CEP350: variants seen among roughly 807,000 people sequenced by gnomAD.
The protein encoded by CEP350 is centrosome-associated protein 350.
CEP350 carries 126 observed loss-of-function variants against 331.8 expected under a neutral mutation model. The observed-to-expected ratio is 0.38, with a 90% CI of 0.33 to 0.44. CEP350 has a LOEUF of 0.44. Among genes scored for constraint, CEP350 ranks in the 20% least tolerant of loss-of-function variants. The pLI is 1.00. For synonymous variants in CEP350, 1,200 were observed against 1,259.5 expected, an observed-to-expected ratio of 0.95 and a Z score of 1.00; for missense variants, 3,406 against 3,634.6, an observed-to-expected ratio of 0.94 and a Z score of 1.62.
chr1:179,991,663 A>ATGTG (rs1197805256), intron 4 of CEP350, among the ~76,000 whole-genome samples: 73 of 64,360 alleles, frequency 1.1e-3, no homozygotes, highest in South Asian at 4.7e-3. Context: ...ATGTATATAT[A>ATGTG]TATATGTGTG....
intron 32 of CEP350, among the ~76,000 whole-genome samples, chr1:180,090,436 C>G (rs1465846585): frequency 1.3e-5 from 2 of 148,808 alleles, no homozygotes; most frequent in African/African-American, 4.9e-5. Flanking sequence ...GTCCCAGCTA[C>G]TCGGGAGGCT....
chr1:179,987,713 G>A (rs982326795), intron 3 of CEP350, among the ~76,000 whole-genome samples: 7 of 151,686 alleles, frequency 4.6e-5, no homozygotes, highest in African/African-American at 1.7e-4. Flanking sequence ...GATAGCTTGA[G>A]CCCAGGAGTT....
At chr1:179,992,925 T>C (rs2148698646) in intron 5 of CEP350, among the ~76,000 whole-genome samples, 1 of 152,312 alleles carries the variant, frequency 6.6e-6, no homozygotes. Flanking sequence ...TTTTGGTGTT[T>C]TAAACACAAA....
chr1:180,108,558 G>T (rs144544783), intron 37 of CEP350, among the ~76,000 whole-genome samples: 3 of 152,118 alleles, frequency 2.0e-5, no homozygotes, highest in African/African-American at 7.2e-5. Flanking sequence ...GGAAAGCTGC[G>T]CAACTTTGAA....
chr1:180,099,039 A>C, intron 37 of CEP350, 54 bp downstream of exon 37: 1 of 1,549,508 alleles, frequency 6.5e-7, no homozygotes, highest in South Asian at 1.2e-5. Context: ...TTAAACTCAG[A>C]ATGCAGTTAG....
chr1:179,972,560 A>C (rs1333316342), intron 1 of CEP350, among the ~76,000 whole-genome samples: 1 of 152,122 alleles, frequency 6.6e-6, no homozygotes, highest in Non-Finnish European at 1.5e-5. Context: ...GCTGGAGTGC[A>C]GTGGTGCAAT....
At chr1:180,069,718 C>T (rs1174956366) in intron 27 of CEP350, among the ~76,000 whole-genome samples, 8 of 152,062 alleles carry the variant, frequency 5.3e-5, no homozygotes, top group Admixed American at 5.2e-4. Context: ...TATCTGTATC[C>T]TCATTTATCC....
At chr1:180,053,227 G>T in intron 23 of CEP350, 61 bp downstream of exon 23, 1 of 838,844 alleles carries the variant, frequency 1.2e-6, no homozygotes, top group Non-Finnish European at 1.7e-6. Context: ...AAAGATATGA[G>T]AAAACATTTT....
At chr1:180,098,775 T>C (rs545747898) in intron 36 of CEP350, 88 bp from the exon 37 acceptor site, 43 of 1,027,984 alleles carry the variant, frequency 4.2e-5, no homozygotes, top group Non-Finnish European at 5.9e-5. Context: ...ATTATATTCT[T>C]ATCGTGAATC....
At chr1:180,065,729 G>T (rs1020779143) in intron 27 of CEP350, among the ~76,000 whole-genome samples, 2 of 151,896 alleles carry the variant, frequency 1.3e-5, no homozygotes, top group Non-Finnish European at 2.9e-5. Context: ...CTGCACTCCA[G>T]CCAGGGTGAC....
chr1:180,023,903 T>C (rs1379813978), intron 13 of CEP350, among the ~76,000 whole-genome samples: 2 of 152,090 alleles, frequency 1.3e-5, no homozygotes, highest in Non-Finnish European at 2.9e-5. Flanking sequence ...CTAAATAGAT[T>C]AATAGGAATA....
At chr1:179,955,277 C>T in intron 1 of CEP350, 135 bp downstream of exon 1, 8 of 939,362 alleles carry the variant, frequency 8.5e-6, no homozygotes, top group South Asian at 5.3e-5. Flanking sequence ...TGCTTGGCGT[C>T]CCCCTCGGGG....
chr1:180,095,779 T>C lies in CEP350; in HGVS notation c.8768T>C (p.Val2923Ala). ...GCAGTCCCCCATACTGCAGAAGAAGTAGAGATTCTTGTACATAATGCAGCA... is the reference window on the plus strand; with the variant it reads ...GCAGTCCCCCATACTGCAGAAGAAGCAGAGATTCTTGTACATAATGCAGCA... The part of the protein sequence containing the change: ...LLAVPHTAEE[V>A]EILVHNAAEE... The change falls in exon 35 of 38, where the codon GTA (valine) becomes GCA (alanine). Residue 2923 changes from valine (V) to alanine (A), a missense_variant. Physicochemically the swap from Val to Ala is moderately conservative, Grantham distance 64 (BLOSUM62 0). Transcript: ENST00000367607. The C allele has an allele frequency of 6.2e-7, 1 of 1,613,878 alleles. No individual in the cohort carries two copies.
chr1:180,111,183 G>C lies in CEP350; in HGVS notation c.*22G>C. The C allele has an allele frequency of 1.2e-6, 2 of 1,612,108 alleles. No homozygotes were observed. Among genetic ancestry groups the C allele is most frequent in the Non-Finnish European group, 8.5e-7 (1 of 1,178,692 alleles). ...GTGACATCTTGCAAATAAATCGAAC[G>C]CTGAGTGCTAATGTGAGTCCTGGGC... On this transcript the variant is annotated 3_prime_UTR_variant, in exon 38 of 38. Coordinates refer to ENST00000367607, the MANE Select transcript of CEP350 (RefSeq NM_014810.5).
chr1:180,006,384 C>A, intron 7 of CEP350, 70 bp from the exon 8 acceptor site: 1 of 794,986 alleles, frequency 1.3e-6, no homozygotes, highest in East Asian at 2.8e-5. Context: ...CAGATTTTTC[C>A]TATGGGCGGA....
At chr1:179,970,608 A>T (rs1014080872) in intron 1 of CEP350, among the ~76,000 whole-genome samples, 1 of 152,244 alleles carries the variant, frequency 6.6e-6, no homozygotes, top group East Asian at 1.9e-4. Flanking sequence ...AAAGGTGTGG[A>T]AAATATTCTA....
intron 37 of CEP350, among the ~76,000 whole-genome samples, chr1:180,106,141 A>G (rs1661128041): frequency 6.6e-6 from 1 of 152,312 alleles, no homozygotes; most frequent in Non-Finnish European, 1.5e-5. Flanking sequence ...TATAACCTTT[A>G]TGTACAGTAG....
At position 179,997,184 on chromosome 1, in the gene CEP350, T is replaced by C; in HGVS notation, c.1018+9T>C. ...TGCTCCAGCATATAAAGGTTTGTAA[T>C]CAGTCTTTATATCTTCCTCTCCCTG... On this transcript the variant is annotated intron_variant, in intron 6 of 37. Coordinates refer to ENST00000367607, the MANE Select transcript of CEP350 (RefSeq NM_014810.5). 1 of 1,606,008 alleles carries C rather than the reference T, an allele frequency of 6.2e-7. No homozygotes were observed. The highest frequency in any genetic ancestry group is 1.3e-5 in the African/African-American group (1 of 74,522).
At position 180,112,917 on chromosome 1, in the gene CEP350, A is replaced by G. The variant is rs1661528724; in HGVS notation, c.*1756A>G. Reference sequence around the variant, plus strand: ...TGCATTTTGCACAATGACTGGTATGATAGCTCTTGACAAATAAGGAAAGCA... The same window carrying G: ...TGCATTTTGCACAATGACTGGTATGGTAGCTCTTGACAAATAAGGAAAGCA... On this transcript the variant is annotated 3_prime_UTR_variant, in exon 38 of 38. Transcript: ENST00000367607. The G allele has an allele frequency of 6.6e-6, 1 of 152,636 alleles. No homozygotes were observed. Among genetic ancestry groups the G allele is most frequent in the Non-Finnish European group, 1.5e-5 (1 of 68,034 alleles). 9.5% of individuals were successfully genotyped at this position (152,636 alleles called of 1,614,324 possible).
Sources: gnomAD v4.1 joint callset for allele counts (sites outside exome capture counted in the v4.1 genomes callset) on GRCh38, gnomAD v4.1.1 for gene constraint, MANE v1.5 for transcripts, NCBI Gene and HGNC (gene_info 2026-07-23, HGNC 2026-07-21) for gene names.